The following ECHDC3 variants were observed in gnomAD, a reference collection of about 807,000 sequenced individuals.
ECHDC3 encodes enoyl-CoA hydratase domain containing 3.
Under a neutral mutation model 17.9 loss-of-function variants are expected in ECHDC3, and 20 were observed. The ratio of observed to expected loss-of-function variants is 1.12; its 90% CI spans 0.79 to 1.63. The LOEUF (loss-of-function observed/expected upper bound fraction) is 1.63, where lower values mean the gene tolerates loss of function less well. Among genes scored for constraint, ECHDC3 ranks in the 40% most tolerant of loss-of-function variants. ECHDC3 has a pLI of 0.00. For synonymous variants in ECHDC3, 177 were observed against 149.7 expected, an observed-to-expected ratio of 1.18 and a Z score of -1.33; for missense variants, 407 against 357.7, an observed-to-expected ratio of 1.14 and a Z score of -1.11.
rs1214532172 is a variant in ECHDC3, at chr10:11,744,680, A to AT, written c.170+1941dup. 5.9e-5 allele frequency among the ~76,000 whole-genome samples: 9 copies of AT among 152,104 alleles called. No homozygotes were observed. In the South Asian group the frequency reaches 1.7e-3, roughly 28 times the overall value. On this transcript the variant is annotated intron_variant, in intron 1 of 4. Transcript: ENST00000379215. ...GCCACTGGGAGGGTTCAGTGAAGAG[A>AT]TTTTTTTAGGAGGTATTATTAACAG...
intron 1 of ECHDC3, 152 bp from the exon 2 acceptor site, chr10:11,747,195 CAG>C: frequency 1.1e-6 from 1 of 948,590 alleles, no homozygotes; most frequent in South Asian, 2.0e-5. Flanking sequence ...GCTGTAACTC[CAG>C]AGAGTTGACA....
At chr10:11,754,145 C>T (rs1832859634) in intron 3 of ECHDC3, among the ~76,000 whole-genome samples, 1 of 152,180 alleles carries the variant, frequency 6.6e-6, no homozygotes, top group Non-Finnish European at 1.5e-5. Context: ...AAAAGCACTA[C>T]TATAGGATAT....
chr10:11,754,814 C>CCCTG (rs1832867165), intron 3 of ECHDC3, among the ~76,000 whole-genome samples: 1 of 152,206 alleles, frequency 6.6e-6, no homozygotes, highest in Non-Finnish European at 1.5e-5. Flanking sequence ...TGGGGCCACC[C>CCCTG]CCTGCGGCAG....
Position 11,742,775 on chromosome 10 carries a change from C to A in ECHDC3, c.170+29C>A, listed in dbSNP as rs997590124. On this transcript the variant is annotated intron_variant, in intron 1 of 4. Transcript: ENST00000379215. ...AGCCCCGGGCCGCGCGGGCTCCTCGCGTTGGTGCCGAGTCGGGGTCAGGGC... is the reference window on the plus strand; with the variant it reads ...AGCCCCGGGCCGCGCGGGCTCCTCGAGTTGGTGCCGAGTCGGGGTCAGGGC... 4.9e-6 allele frequency: 6 copies of A among 1,225,068 alleles called. No individual in the cohort carries two copies. The East Asian group carries it at 1.6e-4, about 33-fold the overall frequency. 75.9% of individuals were successfully genotyped at this position (1,225,068 alleles called of 1,614,324 possible).
At chr10:11,761,158 A>T (rs868290289) in intron 4 of ECHDC3, among the ~76,000 whole-genome samples, 4 of 152,198 alleles carry the variant, frequency 2.6e-5, no homozygotes, top group African/African-American at 9.7e-5. Flanking sequence ...TCCAAGTTCA[A>T]TTCTGGGGGA....
rs372509851 is a variant in ECHDC3, at chr10:11,763,479, G to A, written c.847G>A (p.Gly283Arg). The A allele has an allele frequency of 6.6e-5, 74 of 1,119,002 alleles. No individual in the cohort carries two copies. Among genetic ancestry groups the A allele is most frequent in the African/African-American group, 1.4e-4 (9 of 65,642 alleles). 69.3% of individuals were successfully genotyped at this position (1,119,002 alleles called of 1,614,324 possible). The change falls in exon 5 of 5, where the codon GGG becomes AGG. Residue 283 changes from glycine (G) to arginine (R), a missense_variant. Gly to Arg is a moderately radical substitution (Grantham distance 125, BLOSUM62 -2). Coordinates refer to ENST00000379215, the MANE Select transcript of ECHDC3 (RefSeq NM_024693.5). This position sits in a 1 kb window ranked among gnomAD's most constrained non-coding sequence, Gnocchi z 4.9. ...GGTGGACAACCTGGCCCTGCGGGAC[G>A]GGCAGGAGGGCATCACGGCCTTCCT... ...AMVDNLALRD[G>R]QEGITAFLQK...
rs1270750195 is a variant in ECHDC3 at position 11,763,130 on chromosome 10, T to C, written c.592-94T>C. The C allele has an allele frequency of 1.9e-5, 12 of 635,808 alleles. No homozygotes were observed. Among genetic ancestry groups the C allele is most frequent in the Non-Finnish European group, 3.1e-5 (11 of 349,444 alleles). The allele number at this position is 635,808 out of a possible 1,614,324, so 39.4% of individuals were successfully genotyped here. On this transcript the variant is annotated intron_variant, in intron 4 of 4. Transcript: ENST00000379215. This position sits in a 1 kb window ranked among gnomAD's most constrained non-coding sequence, Gnocchi z 4.9. Reference sequence around the variant, plus strand: ...GTCAGGGCTGGCGGATGACGTGGTATTTGAGGAAGCAGGTCATTGAGCCGA... The same window carrying C: ...GTCAGGGCTGGCGGATGACGTGGTACTTGAGGAAGCAGGTCATTGAGCCGA...
Position 11,763,602 on chromosome 10 carries a change from GC to G in ECHDC3, c.*61del. 6.9e-7 allele frequency: 1 copy of G among 1,442,026 alleles called. No homozygotes were observed. The highest frequency in any genetic ancestry group is 9.1e-7 in the Non-Finnish European group (1 of 1,101,320). 89.3% of individuals were successfully genotyped at this position (1,442,026 alleles called of 1,614,324 possible). On this transcript the variant is annotated 3_prime_UTR_variant, in exon 5 of 5. Transcript: ENST00000379215. The surrounding 1 kb of genome is among the most constrained non-coding windows in gnomAD (Gnocchi z 4.9). ...GCCCAGGAGCCCACCTTCCCCTCTGGCCCAGCCACCACTGCCTCTCAGCTTC... is the reference window on the plus strand; with the variant it reads ...GCCCAGGAGCCCACCTTCCCCTCTGGCCAGCCACCACTGCCTCTCAGCTTC...
At chr10:11,757,946 G>A (rs967918111) in intron 4 of ECHDC3, among the ~76,000 whole-genome samples, 6 of 152,106 alleles carry the variant, frequency 3.9e-5, no homozygotes, top group African/African-American at 7.2e-5. Flanking sequence ...ACCCATCCAC[G>A]GACATCCATG....
rs1017768925 is a variant in ECHDC3 at position 11,749,513 on chromosome 10, C to A, written c.311C>A (p.Ser104Tyr). 1 of 1,613,938 alleles carries A rather than the reference C, an allele frequency of 6.2e-7. No homozygotes were observed. The highest frequency in any genetic ancestry group is 8.5e-7 in the Non-Finnish European group (1 of 1,180,012). Residue 104 changes from serine (S) to tyrosine (Y), a missense_variant, in exon 3 of 5, where the codon TCT (serine) becomes TAT (tyrosine). By Grantham distance (144) the Ser-to-Tyr change is moderately radical. Transcript: ENST00000379215. ...IIISAEGPVF[S>Y]SGHDLKELTE... ...TTTGCAGCTGAGGGGCCTGTGTTTT[C>A]TTCTGGGCATGACTTAAAGGAGCTG... is the stretch of plus-strand genomic sequence containing the variant.
chr10:11,747,647 T>C (rs1391876188), intron 2 of ECHDC3, among the ~76,000 whole-genome samples, 177 bp downstream of exon 2: 2 of 152,224 alleles, frequency 1.3e-5, no homozygotes, highest in African/African-American at 2.4e-5. Flanking sequence ...CGCTATTAAC[T>C]GCAGAATTTA....
At chr10:11,747,144 C>T in intron 1 of ECHDC3, 1 of 497,758 alleles carries the variant, frequency 2.0e-6, no homozygotes, top group Non-Finnish European at 3.4e-6. Context: ...GGGAGGAAAC[C>T]CAGCCTGCAT....
intron 1 of ECHDC3, among the ~76,000 whole-genome samples, chr10:11,745,641 G>C (rs969874777): frequency 6.6e-6 from 1 of 152,150 alleles, no homozygotes; most frequent in African/African-American, 2.4e-5. Flanking sequence ...CCATGACACA[G>C]AATACTATTT....
chr10:11,746,827 C>T (rs576496362), intron 1 of ECHDC3, among the ~76,000 whole-genome samples: 59 of 151,914 alleles, frequency 3.9e-4, no homozygotes, highest in Non-Finnish European at 7.7e-4. Flanking sequence ...CCCAGCTACT[C>T]GGGAGGCTGA....
Position 11,763,453 on chromosome 10 carries a change from T to TG in ECHDC3, c.823dup (p.Val275GlyfsTer73). 1 of 921,968 alleles carries TG rather than the reference T, an allele frequency of 1.1e-6. No homozygotes were observed. The highest frequency in any genetic ancestry group is 1.8e-6 in the Non-Finnish European group (1 of 559,118). The allele number at this position is 921,968 out of a possible 1,614,324, so 57.1% of individuals were successfully genotyped here. On this transcript the variant is annotated frameshift_variant, in exon 5 of 5. Transcript: ENST00000379215. LOFTEE classifies it high-confidence loss of function. This position sits in a 1 kb window ranked among gnomAD's most constrained non-coding sequence, Gnocchi z 4.9. ...GCTTACTACCTCACCTCCCAGGCCATGGTGGACAACCTGGCCCTGCGGGAC... is the reference window on the plus strand; with the variant it reads ...GCTTACTACCTCACCTCCCAGGCCATGGGTGGACAACCTGGCCCTGCGGGAC...
intron 4 of ECHDC3, among the ~76,000 whole-genome samples, chr10:11,757,182 T>G (rs1416646305): frequency 6.6e-6 from 1 of 152,200 alleles, no homozygotes; most frequent in African/African-American, 2.4e-5. Flanking sequence ...GCTTGTCCTC[T>G]TCAACACCTG....
intron 2 of ECHDC3, among the ~76,000 whole-genome samples, 167 bp downstream of exon 2, chr10:11,747,637 C>T (rs766020680): frequency 2.6e-5 from 4 of 152,166 alleles, no homozygotes; most frequent in Non-Finnish European, 4.4e-5. Context: ...TTGGTCCTAA[C>T]GCTATTAACT....
intron 4 of ECHDC3, among the ~76,000 whole-genome samples, chr10:11,757,974 T>A (rs1373939728): frequency 6.6e-6 from 1 of 152,000 alleles, no homozygotes; most frequent in Non-Finnish European, 1.5e-5. Flanking sequence ...CCACCGAGTA[T>A]TTTGGGGGGT....
chr10:11,757,175 T>C (rs1832893520), intron 4 of ECHDC3, among the ~76,000 whole-genome samples: 1 of 152,246 alleles, frequency 6.6e-6, no homozygotes, highest in Admixed American at 6.5e-5. Flanking sequence ...GACAGCTGCT[T>C]GTCCTCTTCA....
Sources: allele counts gnomAD v4.1 joint callset (sites outside exome capture counted in the v4.1 genomes callset), GRCh38; gene constraint gnomAD v4.1.1; non-coding constraint Gnocchi (gnomAD v3.1); transcripts MANE v1.5; gene names NCBI Gene and HGNC (gene_info 2026-07-23, HGNC 2026-07-21).